The following PCDHGA2 variants were observed in gnomAD, a reference collection of about 807,000 sequenced individuals.
The protein encoded by PCDHGA2 is protocadherin gamma-A2.
In PCDHGA2, 40 loss-of-function variants were observed where a neutral mutation model predicts 59.2. That is an observed-to-expected ratio of 0.68 (90% CI 0.52 to 0.88). The LOEUF is 0.88. PCDHGA2 is among the 40% of genes least tolerant of loss of function. The probability of loss-of-function intolerance (pLI) is 0.00; values close to 1 mark genes in which losing one functional copy is unlikely to be tolerated. For synonymous variants in PCDHGA2, 560 were observed against 526.0 expected, an observed-to-expected ratio of 1.06 and a Z score of -0.89; for missense variants, 1,226 against 1,204.0, an observed-to-expected ratio of 1.02 and a Z score of -0.27.
chr5:141,497,892 C>T (rs2099780275), intron 2 of PCDHGA2, among the ~76,000 whole-genome samples: 1 of 152,138 alleles, frequency 6.6e-6, no homozygotes, highest in Admixed American at 6.6e-5. Flanking sequence ...AGGATCTAGT[C>T]CAGTAACTTC....
At chr5:141,438,548 C>T (rs1423036586) in intron 1 of PCDHGA2, among the ~76,000 whole-genome samples, 2 of 135,792 alleles carry the variant, frequency 1.5e-5, no homozygotes, top group Non-Finnish European at 3.1e-5. Context: ...ATATCTAAGC[C>T]CTAATAAGAG....
chr5:141,434,894 C>T (rs1316284716), intron 1 of PCDHGA2, among the ~76,000 whole-genome samples: 1 of 143,118 alleles, frequency 7.0e-6, no homozygotes, highest in East Asian at 2.1e-4. Flanking sequence ...AATCCAGTCC[C>T]CTTCCCTCAT....
chr5:141,457,264 C>T (rs2098915249), intron 1 of PCDHGA2, among the ~76,000 whole-genome samples: 1 of 152,142 alleles, frequency 6.6e-6, no homozygotes, highest in South Asian at 2.1e-4. Flanking sequence ...ATAGAATTCC[C>T]CTCTGTGGGC....
rs748605515 is a variant in PCDHGA2 at position 141,486,688 on chromosome 5, C to T, written c.2425-8119C>T. ...CCAGGAATCGAGATGTATCAGCTTC[C>T]TCTTTCATCTCTCTGAACCCCCAGA... On this transcript the variant is annotated intron_variant, in intron 1 of 3. Transcript: ENST00000394576. The surrounding 1 kb of genome is among the most constrained non-coding windows in gnomAD (Gnocchi z 5.0). 2 of 1,614,170 alleles carry T rather than the reference C, an allele frequency of 1.2e-6. No individual in the cohort carries two copies. The highest frequency in any genetic ancestry group is 1.1e-5 in the South Asian group (1 of 91,086).
At chr5:141,459,156 T>C (rs920698328) in intron 1 of PCDHGA2, among the ~76,000 whole-genome samples, 1 of 152,188 alleles carries the variant, frequency 6.6e-6, no homozygotes, top group Non-Finnish European at 1.5e-5. Flanking sequence ...ATATAGAACA[T>C]TTCTATAACC....
intron 1 of PCDHGA2, chr5:141,357,826 T>A (rs1760741595): frequency 1.5e-6 from 1 of 686,352 alleles, no homozygotes; most frequent in Non-Finnish European, 2.4e-6. Context: ...TCCTTTTTGG[T>A]CTTCATTCAG....
In PCDHGA2 at chr5:141,375,793, C is replaced by A. The variant is rs761231690; in HGVS notation, c.2424+34398C>A. 31 of 1,614,110 alleles carry A rather than the reference C, an allele frequency of 1.9e-5. No homozygotes were observed. The highest frequency in any genetic ancestry group is 2.5e-5 in the Non-Finnish European group (29 of 1,180,038). ...TCCTGTACCCCGCCCTCCCCACAGACGGTTCCACTGGCGTGGAGCTGGCGC... is the reference window on the plus strand; with the variant it reads ...TCCTGTACCCCGCCCTCCCCACAGAAGGTTCCACTGGCGTGGAGCTGGCGC... On this transcript the variant is annotated intron_variant, in intron 1 of 3. Coordinates refer to ENST00000394576, the MANE Select transcript of PCDHGA2 (RefSeq NM_018915.4).
chr5:141,384,410 A>T, intron 1 of PCDHGA2: 3 of 1,613,844 alleles, frequency 1.9e-6, no homozygotes, highest in Non-Finnish European at 2.5e-6. Flanking sequence ...GTGTCCTCCT[A>T]TGTCTCCATA....
At chr5:141,421,894 C>T (rs764642401) in intron 1 of PCDHGA2, 6 of 1,613,586 alleles carry the variant, frequency 3.7e-6, no homozygotes, top group Non-Finnish European at 4.2e-6. Flanking sequence ...CGATCCCATC[C>T]GAAAGGGCGC....
In PCDHGA2 at chr5:141,349,044, A is replaced by G. The variant is rs767994432; in HGVS notation, c.2424+7649A>G. Among the ~76,000 whole-genome samples the G allele has an allele frequency of 1.4e-4, 21 of 152,128 alleles. 1 individual carries two copies. The highest frequency in any genetic ancestry group is 3.9e-4 in the Admixed American group (6 of 15,280). On this transcript the variant is annotated intron_variant, in intron 1 of 3. Coordinates refer to ENST00000394576, the MANE Select transcript of PCDHGA2 (RefSeq NM_018915.4). ...CAAACTCGTTTTGCTCATTAATGGTATAAGTCGGCTGGAGCTGAGAATTGG... is the reference window on the plus strand; with the variant it reads ...CAAACTCGTTTTGCTCATTAATGGTGTAAGTCGGCTGGAGCTGAGAATTGG...
chr5:141,487,880 G>T lies in PCDHGA2; in HGVS notation c.2425-6927G>T, dbSNP rs1008153773. ...ATTGGTGATCAAGAGCCAGGCTGTTGTGGAAGCATGATGATGGAATGTGGG... is the reference window on the plus strand; with the variant it reads ...ATTGGTGATCAAGAGCCAGGCTGTTTTGGAAGCATGATGATGGAATGTGGG... On this transcript the variant is annotated intron_variant, in intron 1 of 3. Transcript: ENST00000394576. The surrounding 1 kb of genome is among the most constrained non-coding windows in gnomAD (Gnocchi z 5.0). The T allele has an allele frequency of 3.8e-6, 3 of 784,896 alleles. No individual in the cohort carries two copies. Among genetic ancestry groups the T allele is most frequent in the Non-Finnish European group, 6.0e-6 (3 of 497,074 alleles). 48.6% of individuals were successfully genotyped at this position (784,896 alleles called of 1,614,324 possible).
At chr5:141,460,177 T>C (rs1021646181) in intron 1 of PCDHGA2, among the ~76,000 whole-genome samples, 13 of 152,138 alleles carry the variant, frequency 8.5e-5, no homozygotes, top group African/African-American at 3.1e-4. Context: ...TTGTGGATAT[T>C]TTATCCCAGA....
intron 1 of PCDHGA2, among the ~76,000 whole-genome samples, chr5:141,463,990 G>A (rs2099073582): frequency 6.6e-6 from 1 of 151,990 alleles, no homozygotes; most frequent in Non-Finnish European, 1.5e-5. Flanking sequence ...TAAAAACCAG[G>A]TGCAGTGGCT....
At chr5:141,350,122 C>A in intron 1 of PCDHGA2, 2 of 641,550 alleles carry the variant, frequency 3.1e-6, no homozygotes, top group South Asian at 4.8e-5. Flanking sequence ...GTCCGGTGCA[C>A]TGAGCACAGA....
intron 1 of PCDHGA2, among the ~76,000 whole-genome samples, chr5:141,435,760 T>TTGGTGAATTC (rs2097778609): frequency 1.3e-5 from 2 of 152,172 alleles, no homozygotes; most frequent in African/African-American, 4.8e-5. Context: ...TTGATTTCTT[T>TTGGTGAATTC]TGGTGAATTC....
intron 1 of PCDHGA2, chr5:141,394,966 G>C (rs758463890): frequency 1.9e-6 from 3 of 1,613,768 alleles, no homozygotes; most frequent in Admixed American, 3.3e-5. Context: ...AGGCTGAGGC[G>C]CTGGCACAAG....
intron 1 of PCDHGA2, chr5:141,394,634 C>T (rs764703837): frequency 2.5e-6 from 4 of 1,613,328 alleles, no homozygotes; most frequent in Non-Finnish European, 1.7e-6. Flanking sequence ...TGTCCTACCG[C>T]CTGCTCAAGG....
At position 141,409,758 on chromosome 5, in the gene PCDHGA2, C is replaced by A. The variant is rs763902801; in HGVS notation, c.2424+68363C>A. Reference sequence around the variant, plus strand: ...AGCGGGGTGGTGTTCGCGCAGCGCGCCTTTGATCACGAGCAGCTGCGCGCC... The same window carrying A: ...AGCGGGGTGGTGTTCGCGCAGCGCGACTTTGATCACGAGCAGCTGCGCGCC... On this transcript the variant is annotated intron_variant, in intron 1 of 3. Transcript: ENST00000394576. 4 of 1,612,868 alleles carry A rather than the reference C, an allele frequency of 2.5e-6. No homozygotes were observed. In the African/African-American group the frequency reaches 4.0e-5, roughly 16 times the overall value.
At chr5:141,505,554 C>T in intron 3 of PCDHGA2, 73 bp downstream of exon 3, 1 of 1,606,130 alleles carries the variant, frequency 6.2e-7, no homozygotes, top group Non-Finnish European at 8.5e-7. Context: ...AGCCACCATG[C>T]CCACGGACTG....
Sources: gnomAD v4.1 joint callset for allele counts (sites outside exome capture counted in the v4.1 genomes callset) on GRCh38, gnomAD v4.1.1 for gene constraint, Gnocchi (gnomAD v3.1) non-coding constraint, MANE v1.5 for transcripts, NCBI Gene and HGNC (gene_info 2026-07-23, HGNC 2026-07-21) for gene names.